The following KLF7 variants were observed in gnomAD, a reference collection of about 807,000 sequenced individuals.
KLF7 encodes the protein KLF transcription factor 7, also known as Krueppel-like factor 7.
Under a neutral mutation model 27.3 loss-of-function variants are expected in KLF7, and 2 were observed. The observed-to-expected ratio is 0.07, with a 90% CI of 0.03 to 0.23. The LOEUF (loss-of-function observed/expected upper bound fraction) is 0.23. KLF7 is among the 10% of genes least tolerant of loss of function. The pLI, the probability that KLF7 is intolerant of heterozygous loss-of-function variation, is 1.00. For synonymous variants in KLF7, 165 were observed against 162.4 expected (o/e 1.02, Z -0.12); for missense variants, 221 against 394.1 (o/e 0.56, Z 3.72).
intron 2 of KLF7, among the ~76,000 whole-genome samples, chr2:207,106,563 GA>G (rs556342662): frequency 2.0e-5 from 3 of 151,820 alleles, no homozygotes; most frequent in Non-Finnish European, 4.4e-5. Context: ...ATGCATCTAC[GA>G]AAAAAAATGG....
At chr2:207,154,294 C>A (rs926162432) in intron 1 of KLF7, among the ~76,000 whole-genome samples, 4 of 152,046 alleles carry the variant, frequency 2.6e-5, no homozygotes. Context: ...ATGCCTAATT[C>A]TGGCTCTTAA....
rs2076181620 is a variant in KLF7 at position 207,076,677 on chromosome 2, C to T, written c.*4536G>A. 1 of 152,170 alleles carries T rather than the reference C, an allele frequency of 6.6e-6. No individual in the cohort carries two copies. Among genetic ancestry groups the T allele is most frequent in the African/African-American group, 2.4e-5 (1 of 41,436 alleles). 9.4% of individuals were successfully genotyped at this position (152,170 alleles called of 1,614,324 possible). ...TCTCAAGTATTCCCAAAGATCCTCA[C>T]TGAGGAAAGTAGGCCATCAAAGAGA... On this transcript the variant is annotated 3_prime_UTR_variant, in exon 4 of 4. Coordinates refer to ENST00000309446, the MANE Select transcript of KLF7 (RefSeq NM_003709.4).
intron 1 of KLF7, among the ~76,000 whole-genome samples, chr2:207,128,069 T>C (rs2077529418): frequency 6.6e-6 from 1 of 152,082 alleles, no homozygotes; most frequent in Non-Finnish European, 1.5e-5. Flanking sequence ...CTAAATATCA[T>C]TATCCAATAA....
At chr2:207,123,034 T>G (rs760132458) in intron 2 of KLF7, among the ~76,000 whole-genome samples, 2 of 142,546 alleles carry the variant, frequency 1.4e-5, no homozygotes, top group Non-Finnish European at 3.0e-5. Flanking sequence ...ATTATCCCAT[T>G]GCTCAAAAGA....
chr2:207,087,081 C>T (rs1456781907), intron 3 of KLF7, among the ~76,000 whole-genome samples: 3 of 152,176 alleles, frequency 2.0e-5, no homozygotes, highest in Non-Finnish European at 4.4e-5. Context: ...TAGAAGACAG[C>T]TGCTGATTCA....
At chr2:207,124,480 G>A in intron 1 of KLF7, 76 bp from the exon 2 acceptor site, 1 of 1,388,782 alleles carries the variant, frequency 7.2e-7, no homozygotes, top group Non-Finnish European at 9.8e-7. Flanking sequence ...TTGACAGGCA[G>A]AGGGGGAAGG....
At chr2:207,146,955 C>T (rs376009215) in intron 1 of KLF7, among the ~76,000 whole-genome samples, 6 of 152,152 alleles carry the variant, frequency 3.9e-5, no homozygotes, top group African/African-American at 1.4e-4. Flanking sequence ...TATAAGTCAG[C>T]CCATGGGCTA....
intron 2 of KLF7, among the ~76,000 whole-genome samples, chr2:207,099,564 A>ATATATATATATATATATATATATATG (rs2105903589): frequency 7.6e-6 from 1 of 132,230 alleles, no homozygotes; most frequent in African/African-American, 2.9e-5. Flanking sequence ...ATATATATAT[A>ATATATATATATATATATATATATATG]TATATATATG....
chr2:207,109,774 C>A (rs1241288963), intron 2 of KLF7, among the ~76,000 whole-genome samples: 1 of 152,196 alleles, frequency 6.6e-6, no homozygotes, highest in Non-Finnish European at 1.5e-5. Flanking sequence ...ACTGCATCTT[C>A]AGGCCATCAA....
intron 1 of KLF7, among the ~76,000 whole-genome samples, chr2:207,135,802 C>CT (rs1327177342): frequency 2.0e-5 from 3 of 151,888 alleles, no homozygotes; most frequent in Non-Finnish European, 1.5e-5. Context: ...TTACTTGTCT[C>CT]TAACGTTTTT....
intron 2 of KLF7, among the ~76,000 whole-genome samples, chr2:207,102,131 C>T (rs1397572360): frequency 6.7e-6 from 1 of 149,330 alleles, no homozygotes; most frequent in African/African-American, 2.5e-5. Flanking sequence ...CACATTCACA[C>T]ACACACACAC....
At chr2:207,164,113 A>C (rs888591762) in intron 1 of KLF7, among the ~76,000 whole-genome samples, 4 of 152,276 alleles carry the variant, frequency 2.6e-5, no homozygotes, top group African/African-American at 9.6e-5. Flanking sequence ...ACAATGGTAC[A>C]GTTAAAGGAT....
chr2:207,097,966 A>AT (rs1473011505), intron 2 of KLF7, among the ~76,000 whole-genome samples: 1 of 152,222 alleles, frequency 6.6e-6, no homozygotes, highest in Non-Finnish European at 1.5e-5. Context: ...ACAAAAACTC[A>AT]TAACTGTTTA....
chr2:207,088,635 ACCC>A (rs2076443143), intron 2 of KLF7, 54 bp from the exon 3 acceptor site: 4 of 1,585,910 alleles, frequency 2.5e-6, no homozygotes, highest in Non-Finnish European at 3.4e-6. Flanking sequence ...AAGGGATTAC[ACCC>A]AACCAGCCTG....
chr2:207,130,618 T>G (rs1027360444), intron 1 of KLF7, among the ~76,000 whole-genome samples: 2 of 152,230 alleles, frequency 1.3e-5, no homozygotes, highest in Non-Finnish European at 2.9e-5. Flanking sequence ...TTGCAACCAC[T>G]ATAACTACAA....
At chr2:207,102,469 C>T (rs2076790146) in intron 2 of KLF7, among the ~76,000 whole-genome samples, 1 of 152,080 alleles carries the variant, frequency 6.6e-6, no homozygotes, top group South Asian at 2.1e-4. Context: ...TTATTAATTT[C>T]CCAGTCACTT....
rs2076166420 is a variant in KLF7 at position 207,075,805 on chromosome 2, G to C, written c.*5408C>G. 1.3e-5 allele frequency: 2 copies of C among 152,116 alleles called. No homozygotes were observed. Among genetic ancestry groups the C allele is most frequent in the African/African-American group, 4.8e-5 (2 of 41,416 alleles). The allele number at this position is 152,116 out of a possible 1,614,324, so 9.4% of individuals were successfully genotyped here. A position where few individuals can be genotyped will look rare whatever the true frequency, so the allele number is the denominator to read the frequency against. Reference sequence around the variant, plus strand: ...TTTTCCTCCCTGGAATGAAGCAGAAGTGAAAGATAAGGAAATTAAACTAAG... The same window carrying C: ...TTTTCCTCCCTGGAATGAAGCAGAACTGAAAGATAAGGAAATTAAACTAAG... On this transcript the variant is annotated 3_prime_UTR_variant, in exon 4 of 4. Transcript: ENST00000309446.
intron 1 of KLF7, among the ~76,000 whole-genome samples, chr2:207,154,049 T>C (rs1024306042): frequency 4.6e-5 from 7 of 152,206 alleles, no homozygotes; most frequent in African/African-American, 1.7e-4. Context: ...CATCAAATTA[T>C]TGCTTTTCAG....
At chr2:207,166,242 C>A (rs150495772), upstream of KLF7, 1 of 941,668 alleles carries the variant, frequency 1.1e-6, no homozygotes, top group Non-Finnish European at 1.3e-6. Flanking sequence ...ATGGGGAGCC[C>A]GGAGCAGAGC....
Sources: gnomAD v4.1 joint callset for allele counts (sites outside exome capture counted in the v4.1 genomes callset) on GRCh38, gnomAD v4.1.1 for gene constraint, MANE v1.5 for transcripts, NCBI Gene and HGNC (gene_info 2026-07-23, HGNC 2026-07-21) for gene names.